Variants in FAM13C observed in about 807,000 individuals in gnomAD.
FAM13C encodes protein FAM13C.
In FAM13C, 37 loss-of-function variants were observed where a neutral mutation model predicts 73.2. The ratio of observed to expected loss-of-function variants is 0.51; its 90% CI spans 0.39 to 0.67. The LOEUF (loss-of-function observed/expected upper bound fraction) is 0.67, where lower values mean the gene tolerates loss of function less well. Ranked by LOEUF, FAM13C falls within the 30% of genes least tolerant of loss-of-function variation. The probability of loss-of-function intolerance (pLI) is 0.00; values close to 1 mark genes in which losing one functional copy is unlikely to be tolerated. For missense variants in FAM13C, 589 were observed against 715.6 expected (o/e 0.82, Z 2.02); for synonymous variants, 246 against 260.9 (o/e 0.94, Z 0.55).
intron 3 of FAM13C, among the ~76,000 whole-genome samples, chr10:59,340,190 T>C (rs990391121): frequency 2.0e-5 from 3 of 152,126 alleles, no homozygotes; most frequent in Admixed American, 2.0e-4. Context: ...TGCTCAAGAA[T>C]TGTTGCAGTT....
intron 3 of FAM13C, among the ~76,000 whole-genome samples, chr10:59,327,146 G>C (rs933629650): frequency 2.6e-5 from 4 of 151,854 alleles, no homozygotes; most frequent in Non-Finnish European, 4.4e-5. Context: ...AACACAAGAC[G>C]TCCCGACCCA....
chr10:59,341,156 A>C (rs1853453195), intron 3 of FAM13C, among the ~76,000 whole-genome samples: 1 of 152,044 alleles, frequency 6.6e-6, no homozygotes, highest in South Asian at 2.1e-4. Flanking sequence ...AAACACTCTA[A>C]ACGCCAATTG....
chr10:59,284,493 C>A (rs1341697007), intron 5 of FAM13C, among the ~76,000 whole-genome samples: 2 of 151,590 alleles, frequency 1.3e-5, no homozygotes, highest in African/African-American at 4.9e-5. Context: ...CACCTACTCA[C>A]ACCCTACCCT....
chr10:59,254,367 G>C lies in FAM13C; in HGVS notation c.1313C>G (p.Pro438Arg). Residue 438 changes from proline (P) to arginine (R), a missense_variant, in exon 11 of 14, where the codon CCT becomes CGT. Physicochemically the swap from Pro to Arg is moderately radical, Grantham distance 103 (BLOSUM62 -2). Coordinates refer to ENST00000618804, the MANE Select transcript of FAM13C (RefSeq NM_198215.4). ...ACTTACAATTGTTGGAATAAGGGAA[G>C]GTGTTGACAAGATTTGCTTGATAAT... The part of the protein sequence containing the change: ...YRIIKQILST[P>R]SLIPTIQEEE... 1 of 1,552,934 alleles carries C rather than the reference G, an allele frequency of 6.4e-7. No homozygotes were observed. The highest frequency in any genetic ancestry group is 8.7e-7 in the Non-Finnish European group (1 of 1,147,078).
At chr10:59,334,908 T>C (rs1295137161) in intron 3 of FAM13C, among the ~76,000 whole-genome samples, 2 of 152,086 alleles carry the variant, frequency 1.3e-5, no homozygotes, top group East Asian at 3.9e-4. Context: ...ATAATAATAA[T>C]TTAAAAAAGA....
intron 11 of FAM13C, 104 bp downstream of exon 11, chr10:59,254,241 CAGT>C: frequency 1.5e-6 from 1 of 650,678 alleles, no homozygotes; most frequent in South Asian, 4.3e-5. Context: ...GCCTTGTTTG[CAGT>C]ATATACTGCC....
Position 59,317,314 on chromosome 10 carries a change from A to C in FAM13C, c.443+6674T>G, listed in dbSNP as rs148521645. Among the ~76,000 whole-genome samples the C allele has an allele frequency of 2.0e-3, 299 of 152,272 alleles. 1 individual carries two copies. Among genetic ancestry groups the C allele is most frequent in the African/African-American group, 7.0e-3 (289 of 41,552 alleles). On this transcript the variant is annotated intron_variant, in intron 4 of 13. Transcript: ENST00000618804. ...ACACTGAACACTTAACCAGCTGGTC[A>C]AAGTTCTAAATTAGGTTTAAATTTA...
intron 8 of FAM13C, among the ~76,000 whole-genome samples, chr10:59,267,753 T>C (rs891375637): frequency 6.6e-6 from 1 of 152,160 alleles, no homozygotes; most frequent in Non-Finnish European, 1.5e-5. Flanking sequence ...CCTTTAAATA[T>C]TTCAAGATGT....
At chr10:59,289,977 A>C (rs1846033088) in intron 5 of FAM13C, among the ~76,000 whole-genome samples, 1 of 152,208 alleles carries the variant, frequency 6.6e-6, no homozygotes, top group South Asian at 2.1e-4. Flanking sequence ...AAATTGAGTA[A>C]GGGCTAACAG....
chr10:59,334,103 G>A lies in FAM13C; in HGVS notation c.325-9997C>T, dbSNP rs527602926. On this transcript the variant is annotated intron_variant, in intron 3 of 13. Transcript: ENST00000618804. Reference sequence around the variant, plus strand: ...TTTTGAGAGAGACAAGAGATGGCAGGGGAAATGAGAAAGGAAAATAGTATT... The same window carrying A: ...TTTTGAGAGAGACAAGAGATGGCAGAGGAAATGAGAAAGGAAAATAGTATT... Among the ~76,000 whole-genome samples, 10 of 152,200 alleles carry A rather than the reference G, an allele frequency of 6.6e-5. No individual in the cohort carries two copies. The South Asian group carries it at 2.1e-3, about 32-fold the overall frequency.
In FAM13C at chr10:59,362,457, A is replaced by C; in HGVS notation, c.4T>G (p.Phe2Val). The change falls in exon 1 of 14, where the codon TTT (phenylalanine) becomes GTT (valine). Residue 2 changes from phenylalanine (F) to valine (V), a missense_variant. Physicochemically the swap from Phe to Val is conservative, Grantham distance 50 (BLOSUM62 -1). Coordinates refer to ENST00000618804, the MANE Select transcript of FAM13C (RefSeq NM_198215.4). M[F>V]SCFCFSLQDN... is the part of the protein sequence containing the mutation. Reference sequence around the variant, plus strand: ...TGAAGGCTGAAACAGAAACAAGAAAACATCAGCCAAGTCTGGCCGGGGAGC... The same window carrying C: ...TGAAGGCTGAAACAGAAACAAGAAACCATCAGCCAAGTCTGGCCGGGGAGC... 1 of 1,613,608 alleles carries C rather than the reference A, an allele frequency of 6.2e-7. No homozygotes were observed. Among genetic ancestry groups the C allele is most frequent in the Non-Finnish European group, 8.5e-7 (1 of 1,179,816 alleles).
chr10:59,295,655 C>T (rs1268192424), intron 5 of FAM13C, among the ~76,000 whole-genome samples: 2 of 152,190 alleles, frequency 1.3e-5, no homozygotes, highest in African/African-American at 4.8e-5. Flanking sequence ...ACCTACATAA[C>T]TGTAAGCTAA....
chr10:59,306,925 G>C (rs1490232206), intron 4 of FAM13C, among the ~76,000 whole-genome samples: 1 of 152,144 alleles, frequency 6.6e-6, no homozygotes, highest in Non-Finnish European at 1.5e-5. Context: ...GAGAGTTAGA[G>C]ACAGATAAAA....
At position 59,362,348 on chromosome 10, in the gene FAM13C, G is replaced by A. The variant is rs752684322; in HGVS notation, c.62+51C>T. On this transcript the variant is annotated intron_variant, in intron 1 of 13. Coordinates refer to ENST00000618804, the MANE Select transcript of FAM13C (RefSeq NM_198215.4). ...GGTGGAGGATACCTTCACGATAGTT[G>A]CTTCCAGAGAAAGGCATGCAAGTCT... The A allele has an allele frequency of 8.8e-6, 14 of 1,599,352 alleles. No individual in the cohort carries two copies. In the South Asian group the frequency reaches 1.2e-4, roughly 14 times the overall value.
At chr10:59,282,147 CCA>C (rs1189523808) in intron 6 of FAM13C, 6 of 152,204 alleles carry the variant, frequency 3.9e-5, no homozygotes, top group African/African-American at 1.4e-4. Flanking sequence ...AAACAATGTA[CCA>C]CTCACCAGCA....
intron 4 of FAM13C, among the ~76,000 whole-genome samples, chr10:59,320,570 G>A (rs538770372): frequency 6.6e-5 from 10 of 152,312 alleles, no homozygotes; most frequent in African/African-American, 2.2e-4. Flanking sequence ...ATTGAGCAAA[G>A]AACAATTCGT....
chr10:59,359,795 C>T (rs1042565908), intron 1 of FAM13C, among the ~76,000 whole-genome samples: 5 of 152,234 alleles, frequency 3.3e-5, no homozygotes, highest in African/African-American at 1.2e-4. Context: ...TGGGAGACTG[C>T]AATTTTCACA....
At position 59,305,123 on chromosome 10, in the gene FAM13C, C is replaced by G. The variant is rs550790690; in HGVS notation, c.444-2259G>C. ...CCTCAGGTATTCTGCAATAGCAACA[C>G]TAAATGGACTAAGACACATGGCGAA... On this transcript the variant is annotated intron_variant, in intron 4 of 13. Transcript: ENST00000618804. Among the ~76,000 whole-genome samples, 4 of 152,324 alleles carry G rather than the reference C, an allele frequency of 2.6e-5. No homozygotes were observed. In the South Asian group the frequency reaches 8.3e-4, roughly 32 times the overall value.
At chr10:59,328,235 G>A (rs980106094) in intron 3 of FAM13C, among the ~76,000 whole-genome samples, 2 of 152,190 alleles carry the variant, frequency 1.3e-5, no homozygotes, top group Admixed American at 6.5e-5. Context: ...CAGGTACAGA[G>A]GCTAGGAGAG....
Sources: allele counts gnomAD v4.1 joint callset (sites outside exome capture counted in the v4.1 genomes callset), GRCh38; gene constraint gnomAD v4.1.1; transcripts MANE v1.5; gene names NCBI Gene and HGNC (gene_info 2026-07-23, HGNC 2026-07-21).